AKAP12: variants seen among roughly 807,000 people sequenced by gnomAD.
AKAP12 encodes A-kinase anchor protein 12.
In AKAP12, 32 loss-of-function variants were observed where a neutral mutation model predicts 79.9. That is an observed-to-expected ratio of 0.40 (90% CI 0.30 to 0.54). AKAP12 has a LOEUF of 0.54. Ranked by LOEUF, AKAP12 falls within the 20% of genes least tolerant of loss-of-function variation. AKAP12 has a pLI of 0.48. For synonymous variants in AKAP12, 808 were observed against 857.0 expected, an observed-to-expected ratio of 0.94 and a Z score of 1.00; for missense variants, 2,074 against 2,177.0, an observed-to-expected ratio of 0.95 and a Z score of 0.94.
At chr6:151,325,572 A>G in intron 3 of AKAP12, 1 of 1,304,838 alleles carries the variant, frequency 7.7e-7, no homozygotes, top group East Asian at 3.3e-5. Context: ...GAAGTCCTGG[A>G]GCTCAGCAAG....
rs912596000 is a variant in AKAP12, at chr6:151,282,054, C to T, written c.163-23693C>T. On this transcript the variant is annotated intron_variant, in intron 2 of 4. Coordinates refer to ENST00000402676, the MANE Select transcript of AKAP12 (RefSeq NM_005100.4). ...GCAGGAGCGGGCTGTCCTCTTCCCC[C>T]TCCTGTTCCCGCTCTCAGCTGCCCA... 4.0e-5 allele frequency among the ~76,000 whole-genome samples: 6 copies of T among 151,620 alleles called. 1 individual carries two copies. In the South Asian group the frequency reaches 1.3e-3, roughly 32 times the overall value.
intron 3 of AKAP12, among the ~76,000 whole-genome samples, chr6:151,345,316 C>G (rs1360228414): frequency 6.6e-6 from 1 of 151,188 alleles, no homozygotes; most frequent in African/African-American, 2.4e-5. Flanking sequence ...ACCTTGTGAT[C>G]CGCCCGCCTC....
chr6:151,341,045 T>C (rs1459945784), intron 3 of AKAP12, among the ~76,000 whole-genome samples: 1 of 122,302 alleles, frequency 8.2e-6, no homozygotes, highest in Non-Finnish European at 1.5e-5. Flanking sequence ...TTTGTTTTTG[T>C]TTCTTTTTTT....
chr6:151,247,440 T>A (rs1336793152), intron 2 of AKAP12, among the ~76,000 whole-genome samples: 1 of 151,804 alleles, frequency 6.6e-6, no homozygotes, highest in African/African-American at 2.4e-5. Flanking sequence ...ACAAAAAAAC[T>A]TTTTCCCCAG....
intron 3 of AKAP12, among the ~76,000 whole-genome samples, chr6:151,308,445 T>A (rs1777022026): frequency 6.6e-6 from 1 of 152,126 alleles, no homozygotes; most frequent in Non-Finnish European, 1.5e-5. Context: ...ACTCCTGACC[T>A]CAAGTGATCC....
intron 3 of AKAP12, among the ~76,000 whole-genome samples, chr6:151,317,185 C>T (rs1398233710): frequency 4.6e-5 from 7 of 152,150 alleles, no homozygotes; most frequent in Admixed American, 4.6e-4. Flanking sequence ...CAGGAGCCTA[C>T]CCCTGTGCAG....
At chr6:151,262,104 C>T (rs970396825) in intron 2 of AKAP12, among the ~76,000 whole-genome samples, 2 of 152,050 alleles carry the variant, frequency 1.3e-5, no homozygotes, top group African/African-American at 4.8e-5. Flanking sequence ...CATGTGCCAC[C>T]ATGCCCGGCT....
intron 2 of AKAP12, among the ~76,000 whole-genome samples, chr6:151,292,837 A>G (rs1776649570): frequency 1.3e-5 from 2 of 152,190 alleles, no homozygotes; most frequent in South Asian, 4.1e-4. Flanking sequence ...AGAGCTTTTT[A>G]TGAGACCTTC....
At chr6:151,304,002 G>A (rs1776920640) in intron 2 of AKAP12, among the ~76,000 whole-genome samples, 1 of 152,166 alleles carries the variant, frequency 6.6e-6, no homozygotes, top group Non-Finnish European at 1.5e-5. Flanking sequence ...CACCCCACCA[G>A]AATTGCTTTG....
intron 3 of AKAP12, among the ~76,000 whole-genome samples, chr6:151,332,033 G>GTTGTTTTTTT (rs1303327962): frequency 6.3e-5 from 5 of 79,688 alleles, no homozygotes; most frequent in African/African-American, 1.6e-4. Flanking sequence ...TTCTGGGTCT[G>GTTGTTTTTTT]TTTTTTTTTT....
chr6:151,345,414 A>C (rs891351548), intron 3 of AKAP12, among the ~76,000 whole-genome samples: 4 of 152,052 alleles, frequency 2.6e-5, no homozygotes, highest in Non-Finnish European at 4.4e-5. Context: ...TTAAAACATT[A>C]AGTATATTTT....
intron 2 of AKAP12, among the ~76,000 whole-genome samples, chr6:151,302,249 A>T (rs949940448): frequency 6.6e-6 from 1 of 151,960 alleles, no homozygotes; most frequent in Non-Finnish European, 1.5e-5. Context: ...TGCCCTCATG[A>T]TCTGCCTGCC....
chr6:151,316,934 G>A (rs923367167), intron 3 of AKAP12, among the ~76,000 whole-genome samples: 11 of 152,088 alleles, frequency 7.2e-5, no homozygotes, highest in African/African-American at 2.4e-4. Flanking sequence ...CACCACACCC[G>A]GCCAGGACTC....
At chr6:151,283,799 A>G (rs558439146) in intron 2 of AKAP12, among the ~76,000 whole-genome samples, 2 of 152,324 alleles carry the variant, frequency 1.3e-5, no homozygotes, top group South Asian at 4.1e-4. Context: ...CACTGACATA[A>G]CCAAACCTCA....
intron 2 of AKAP12, among the ~76,000 whole-genome samples, chr6:151,278,248 C>G (rs1004138720): frequency 6.6e-6 from 1 of 152,200 alleles, no homozygotes; most frequent in Admixed American, 6.5e-5. Flanking sequence ...CGGAGTCTCA[C>G]TCTGTCACTC....
chr6:151,321,905 T>TGTTG (rs758262200), intron 3 of AKAP12, among the ~76,000 whole-genome samples: 4,372 of 128,468 alleles, frequency 0.034, 256 homozygotes, highest in African/African-American at 0.12. Context: ...AGCTTTATGT[T>TGTTG]TTTTTTTTTT....
At chr6:151,259,117 T>C (rs1459708498) in intron 2 of AKAP12, among the ~76,000 whole-genome samples, 1 of 151,632 alleles carries the variant, frequency 6.6e-6, no homozygotes, top group African/African-American at 2.4e-5. Flanking sequence ...CAATCTTGGC[T>C]CACTGCAACC....
At position 151,352,492 on chromosome 6, in the gene AKAP12, T is replaced by C. The variant is rs1778323683; in HGVS notation, c.4101T>C (p.Ser1367=). The C allele has an allele frequency of 6.2e-7, 1 of 1,614,192 alleles. No individual in the cohort carries two copies. ...AGCACGAAACAGCTGTTACCGTATC[T>C]GAAGAGGTCAGTAAGCAGCTCCTCC... ...KLEHETAVTV[S]EEVSKQLLQT... The change falls in exon 4 of 5, where the codon TCT becomes TCC. Residue 1367 remains serine, a synonymous_variant. Coordinates refer to ENST00000402676, the MANE Select transcript of AKAP12 (RefSeq NM_005100.4).
chr6:151,255,242 G>C (rs1052243446), intron 2 of AKAP12, among the ~76,000 whole-genome samples: 7 of 151,638 alleles, frequency 4.6e-5, no homozygotes, highest in Non-Finnish European at 8.8e-5. Flanking sequence ...CTCGGCTCAC[G>C]GCAACCTCTG....
Sources: gnomAD v4.1 joint callset for allele counts (sites outside exome capture counted in the v4.1 genomes callset) on GRCh38, gnomAD v4.1.1 for gene constraint, MANE v1.5 for transcripts, NCBI Gene and HGNC (gene_info 2026-07-23, HGNC 2026-07-21) for gene names.